NR4A2: variants seen among roughly 807,000 people sequenced by gnomAD.
The protein encoded by NR4A2 is NGFI-B/nur77 beta-type transcription factor homolog.
A neutral mutation model predicts 50.5 loss-of-function variants in NR4A2; 1 was observed. The ratio of observed to expected loss-of-function variants is 0.02; its 90% CI spans 0.01 to 0.09. NR4A2 has a LOEUF of 0.09. Among genes scored for constraint, NR4A2 ranks in the 10% least tolerant of loss-of-function variants. The pLI is 1.00. For missense variants in NR4A2, 613 were observed against 777.3 expected, an observed-to-expected ratio of 0.79 and a Z score of 2.51; for synonymous variants, 328 against 309.4, an observed-to-expected ratio of 1.06 and a Z score of -0.63.
Position 156,326,610 on chromosome 2 carries a change from T to C in NR4A2, c.1361+108A>G. 1.6e-6 allele frequency: 2 copies of C among 1,232,682 alleles called. No homozygotes were observed. The highest frequency in any genetic ancestry group is 2.4e-6 in the Non-Finnish European group (2 of 847,430). The allele number at this position is 1,232,682 out of a possible 1,614,324, so 76.4% of individuals were successfully genotyped here. A position where few individuals can be genotyped will look rare whatever the true frequency, so the allele number is the denominator to read the frequency against. Reference sequence around the variant, plus strand: ...TCCTTTCTCCGACTTCCATTTCCTATTCTGTCTTTTTCTCTACCCCACCCT... The same window carrying C: ...TCCTTTCTCCGACTTCCATTTCCTACTCTGTCTTTTTCTCTACCCCACCCT... On this transcript the variant is annotated intron_variant, in intron 6 of 7. Coordinates refer to ENST00000339562, the MANE Select transcript of NR4A2 (RefSeq NM_006186.4). This position sits in a 1 kb window ranked among gnomAD's most constrained non-coding sequence, Gnocchi z 4.2.
Position 156,326,744 on chromosome 2 carries a change from T to C in NR4A2, c.1335A>G (p.Glu445=). ...QDLLFESAFL[E]LFVLRLAYRS... is the part of the protein sequence containing the mutation. ...TGTATGCTAATCGAAGGACAAACAGTTCTAAGAAAGCTGATTCAAAAAGCA... is the reference window on the plus strand; with the variant it reads ...TGTATGCTAATCGAAGGACAAACAGCTCTAAGAAAGCTGATTCAAAAAGCA... Residue 445 remains glutamate (E), a synonymous_variant, in exon 6 of 8, where the codon GAA becomes GAG. Coordinates refer to ENST00000339562, the MANE Select transcript of NR4A2 (RefSeq NM_006186.4). This position sits in a 1 kb window ranked among gnomAD's most constrained non-coding sequence, Gnocchi z 4.2. 1 of 1,614,074 alleles carries C rather than the reference T, an allele frequency of 6.2e-7. No homozygotes were observed. Among genetic ancestry groups the C allele is most frequent in the Non-Finnish European group, 8.5e-7 (1 of 1,180,000 alleles).
Position 156,326,982 on chromosome 2 carries a change from G to T in NR4A2, c.1159-62C>A. On this transcript the variant is annotated intron_variant, in intron 5 of 7. Transcript: ENST00000339562. This position sits in a 1 kb window ranked among gnomAD's most constrained non-coding sequence, Gnocchi z 4.2. ...TCTAAAATATATAACCCGTGAAATT[G>T]CTAACCCCGTTTCTAATAGGGGAGC... The T allele has an allele frequency of 6.6e-7, 1 of 1,526,420 alleles. No individual in the cohort carries two copies. The highest frequency in any genetic ancestry group is 1.1e-5 in the South Asian group (1 of 88,740). The allele number at this position is 1,526,420 out of a possible 1,614,324, so 94.6% of individuals were successfully genotyped here.
At position 156,329,513 on chromosome 2, in the gene NR4A2, C is replaced by A. The variant is rs1031353518; in HGVS notation, c.674G>T (p.Arg225Leu). The change falls in exon 3 of 8, where the codon CGC becomes CTC. Residue 225 changes from arginine (R) to leucine (L), a missense_variant. Transcript: ENST00000339562. The surrounding 1 kb of genome is among the most constrained non-coding windows in gnomAD (Gnocchi z 7.5). The part of the protein sequence containing the change: ...GQTFAVPNPI[R>L]KPASMGFPGL... The stretch of plus-strand genomic sequence containing the variant: ...CGGGAAGCCCATGGACGCGGGCTTG[C>A]GAATGGGGTTGGGCACAGCGAAGGT... 1.2e-6 allele frequency: 2 copies of A among 1,604,900 alleles called. No homozygotes were observed. The highest frequency in any genetic ancestry group is 1.7e-6 in the Non-Finnish European group (2 of 1,176,030).
rs545695352 is a variant in NR4A2, at chr2:156,327,905, G to C, written c.1104C>G (p.Leu368=). The C allele has an allele frequency of 6.3e-7, 1 of 1,596,236 alleles. No individual in the cohort carries two copies. Among genetic ancestry groups the C allele is most frequent in the East Asian group, 2.3e-5 (1 of 44,388 alleles). The stretch of plus-strand genomic sequence containing the variant: ...GGTTGGAGTCGACATGGGCCCTGAC[G>C]AGGGCACTGATCAGACTCACCGGGG... The part of the protein sequence containing the change: ...PSPPVSLISA[L]VRAHVDSNPA... The change falls in exon 5 of 8, where the codon CTC becomes CTG. Residue 368 remains leucine (L), a synonymous_variant. Coordinates refer to ENST00000339562, the MANE Select transcript of NR4A2 (RefSeq NM_006186.4).
In NR4A2 at chr2:156,330,009, A is replaced by G. The variant is rs1686852887; in HGVS notation, c.178T>C (p.Phe60Leu). Residue 60 changes from phenylalanine to leucine, a missense_variant, in exon 3 of 8, where the codon TTC (phenylalanine) becomes CTC (leucine). Transcript: ENST00000339562. ...EITATTSLPS[F>L]STFMDNYSTG... is the part of the protein sequence containing the mutation. ...CTGTAGTTGTCCATAAAGGTACTGA[A>G]GCTGGGGAGAGAAGTGGTGGCAGTG... 1 of 1,614,092 alleles carries G rather than the reference A, an allele frequency of 6.2e-7. No individual in the cohort carries two copies. The highest frequency in any genetic ancestry group is 1.3e-5 in the African/African-American group (1 of 74,908).
At chr2:156,331,042 A>C (rs1686897834) in intron 1 of NR4A2, among the ~76,000 whole-genome samples, 1 of 152,258 alleles carries the variant, frequency 6.6e-6, no homozygotes, top group Admixed American at 6.5e-5. Context: ...AAGCTAGTCC[A>C]TGAACTCATT....
chr2:156,330,686 C>T lies in NR4A2; in HGVS notation c.-21G>A, dbSNP rs964583596. On this transcript the variant is annotated 5_prime_UTR_variant, in exon 2 of 8. Transcript: ENST00000339562. ...CACTAACCTTCAGCCGAGTTACAGG[C>T]GTTTTCGAGGAAATTAAAGGTGGAC... The T allele has an allele frequency of 3.9e-6, 5 of 1,266,574 alleles. No homozygotes were observed. The South Asian group carries it at 1.0e-4, about 25-fold the overall frequency. The allele number at this position is 1,266,574 out of a possible 1,614,324, so 78.5% of individuals were successfully genotyped here.
At position 156,329,545 on chromosome 2, in the gene NR4A2, G is replaced by A. The variant is rs117181849; in HGVS notation, c.642C>T (p.Asp214=). The change falls in exon 3 of 8, where the codon GAC becomes GAT. Residue 214 remains aspartate, a synonymous_variant. Transcript: ENST00000339562. The surrounding 1 kb of genome is among the most constrained non-coding windows in gnomAD (Gnocchi z 7.5). The part of the protein sequence containing the change: ...PEPAGSHHVV[D]GQTFAVPNPI... The stretch of plus-strand genomic sequence containing the variant: ...GGTTGGGCACAGCGAAGGTCTGCCC[G>A]TCCACCACGTGGTGGCTGCCGGCGG... 1.3e-5 allele frequency: 21 copies of A among 1,603,450 alleles called. No homozygotes were observed. In the East Asian group the frequency reaches 4.3e-4, roughly 32 times the overall value.
Position 156,327,707 on chromosome 2 carries a change from G to A in NR4A2, c.1158+144C>T, listed in dbSNP as rs1686714557. 1.2e-5 allele frequency: 12 copies of A among 966,216 alleles called. 1 individual carries two copies. Among genetic ancestry groups the A allele is most frequent in the South Asian group, 8.6e-5 (6 of 70,038 alleles). The allele number at this position is 966,216 out of a possible 1,614,324, so 59.9% of individuals were successfully genotyped here. A position where few individuals can be genotyped will look rare whatever the true frequency, so the allele number is the denominator to read the frequency against. On this transcript the variant is annotated intron_variant, in intron 5 of 7. Coordinates refer to ENST00000339562, the MANE Select transcript of NR4A2 (RefSeq NM_006186.4). ...GATTGTCTGAAGATCTGAATCTTGAGGCCCTGGCCAGAGCTGCGAGGCATA... is the reference window on the plus strand; with the variant it reads ...GATTGTCTGAAGATCTGAATCTTGAAGCCCTGGCCAGAGCTGCGAGGCATA...
chr2:156,328,152 C>A lies in NR4A2; in HGVS notation c.995-138G>T. 1 of 1,210,314 alleles carries A rather than the reference C, an allele frequency of 8.3e-7. No individual in the cohort carries two copies. The highest frequency in any genetic ancestry group is 1.3e-5 in the South Asian group (1 of 75,196). 75.0% of individuals were successfully genotyped at this position (1,210,314 alleles called of 1,614,324 possible). On this transcript the variant is annotated intron_variant, in intron 4 of 7. Coordinates refer to ENST00000339562, the MANE Select transcript of NR4A2 (RefSeq NM_006186.4). This position sits in a 1 kb window ranked among gnomAD's most constrained non-coding sequence, Gnocchi z 4.9. ...GGCCCCAGTGCTTGTAAAGCCTTCA[C>A]TGACTAGAAGCATTAAAAAATGCGG...
In NR4A2 at chr2:156,324,510, C is replaced by T. The variant is rs1686555567; in HGVS notation, c.*1234G>A. The T allele has an allele frequency of 6.6e-6, 1 of 152,436 alleles. No homozygotes were observed. The highest frequency in any genetic ancestry group is 2.1e-4 in the South Asian group (1 of 4,826). 9.4% of individuals were successfully genotyped at this position (152,436 alleles called of 1,614,324 possible). ...AGAAAGAATTTATCAGAAAAAAAATCAGCATCTCTAACTGTCATACACCAT... is the reference window on the plus strand; with the variant it reads ...AGAAAGAATTTATCAGAAAAAAAATTAGCATCTCTAACTGTCATACACCAT... On this transcript the variant is annotated 3_prime_UTR_variant, in exon 8 of 8. Transcript: ENST00000339562.
chr2:156,331,276 C>T (rs1453053175), intron 1 of NR4A2, among the ~76,000 whole-genome samples: 2 of 152,126 alleles, frequency 1.3e-5, no homozygotes, highest in South Asian at 2.1e-4. Flanking sequence ...CAATCTTCCC[C>T]CTTACAAAAT....
rs1361694821 is a variant in NR4A2, at chr2:156,328,158, A to G, written c.995-144T>C. The G allele has an allele frequency of 2.5e-6, 3 of 1,179,668 alleles. No homozygotes were observed. In the African/African-American group the frequency reaches 4.6e-5, roughly 18 times the overall value. The allele number at this position is 1,179,668 out of a possible 1,614,324, so 73.1% of individuals were successfully genotyped here. On this transcript the variant is annotated intron_variant, in intron 4 of 7. Coordinates refer to ENST00000339562, the MANE Select transcript of NR4A2 (RefSeq NM_006186.4). The surrounding 1 kb of genome is among the most constrained non-coding windows in gnomAD (Gnocchi z 4.9). The stretch of plus-strand genomic sequence containing the variant: ...AGTGCTTGTAAAGCCTTCACTGACT[A>G]GAAGCATTAAAAAATGCGGGGTTAT...
In NR4A2 at chr2:156,329,423, C is replaced by T; in HGVS notation, c.764G>A (p.Gly255Asp). The change falls in exon 3 of 8, where the codon GGC (glycine) becomes GAC (aspartate). Residue 255 changes from glycine (G) to aspartate (D), a missense_variant. Gly to Asp is a moderately conservative substitution (Grantham distance 94, BLOSUM62 -1). Around this residue, in one of 4 missense-constraint regions of NR4A2, gnomAD observed 275 missense variants for 248.9 expected, o/e 1.10. Coordinates refer to ENST00000339562, the MANE Select transcript of NR4A2 (RefSeq NM_006186.4). This position sits in a 1 kb window ranked among gnomAD's most constrained non-coding sequence, Gnocchi z 7.5. Reference sequence around the variant, plus strand: ...GCACAGCCCCTCGTTGGAGGGGGAGCCCCGCGACGGCGGTGAGGGCACCTG... The same window carrying T: ...GCACAGCCCCTCGTTGGAGGGGGAGTCCCGCGACGGCGGTGAGGGCACCTG... ...DTQVPSPPSR[G>D]SPSNEGLCAV... 1 of 1,609,440 alleles carries T rather than the reference C, an allele frequency of 6.2e-7. No homozygotes were observed. Among genetic ancestry groups the T allele is most frequent in the Non-Finnish European group, 8.5e-7 (1 of 1,179,082 alleles).
rs1352998697 is a variant in NR4A2, at chr2:156,328,668, TA to T, written c.865-136del. 7 of 1,101,758 alleles carry T rather than the reference TA, an allele frequency of 6.4e-6. No individual in the cohort carries two copies. The highest frequency in any genetic ancestry group is 9.3e-6 in the Non-Finnish European group (7 of 748,916). 68.2% of individuals were successfully genotyped at this position (1,101,758 alleles called of 1,614,324 possible). On this transcript the variant is annotated intron_variant, in intron 3 of 7. Transcript: ENST00000339562. The surrounding 1 kb of genome is among the most constrained non-coding windows in gnomAD (Gnocchi z 4.9). ...CAAACACATACACACAATTCCATTTTATTTTTTTCTCTTCCTTTTCTTTCTT... is the reference window on the plus strand; with the variant it reads ...CAAACACATACACACAATTCCATTTTTTTTTTTCTCTTCCTTTTCTTTCTT...
Position 156,326,162 on chromosome 2 carries a change from C to A in NR4A2, c.1528G>T (p.Ala510Ser), listed in dbSNP as rs1371554953. The A allele has an allele frequency of 6.2e-7, 1 of 1,614,216 alleles. No individual in the cohort carries two copies. Residue 510 changes from alanine (A) to serine (S), a missense_variant, in exon 7 of 8, where the codon GCT becomes TCT. Around this residue, in one of 4 missense-constraint regions of NR4A2, gnomAD observed 250 missense variants for 311.3 expected, o/e 0.80. Transcript: ENST00000339562. This position sits in a 1 kb window ranked among gnomAD's most constrained non-coding sequence, Gnocchi z 4.2. ...CTGCAGTACTGACCTGTGACCATAG[C>A]CAGGGCAGCAATGCAGGAGAAGGCA... Reference protein sequence around the residue: ...ISAFSCIAALAMVTERHGLKE... With the variant: ...ISAFSCIAALSMVTERHGLKE...
In NR4A2 at chr2:156,325,497, T is replaced by C; in HGVS notation, c.*247A>G. On this transcript the variant is annotated 3_prime_UTR_variant, in exon 8 of 8. Transcript: ENST00000339562. The stretch of plus-strand genomic sequence containing the variant: ...ATACCACTGTATTGTGTGTAGTCCA[T>C]GTTCTAAATCCAGGATGCCCCGGAG... The C allele has an allele frequency of 1.8e-6, 1 of 550,692 alleles. No homozygotes were observed. Among genetic ancestry groups the C allele is most frequent in the East Asian group, 3.3e-5 (1 of 30,718 alleles). 34.1% of individuals were successfully genotyped at this position (550,692 alleles called of 1,614,324 possible).
rs1202617675 is a variant in NR4A2, at chr2:156,325,572, T to TTTTG, written c.*168_*171dup. 4 of 881,176 alleles carry TTTTG rather than the reference T, an allele frequency of 4.5e-6. No individual in the cohort carries two copies. The highest frequency in any genetic ancestry group is 4.5e-5 in the Admixed American group (2 of 44,496). 54.6% of individuals were successfully genotyped at this position (881,176 alleles called of 1,614,324 possible). On this transcript the variant is annotated 3_prime_UTR_variant, in exon 8 of 8. Coordinates refer to ENST00000339562, the MANE Select transcript of NR4A2 (RefSeq NM_006186.4). Reference sequence around the variant, plus strand: ...CTGCAGGTTAGGAAATAGCAACAGTTTTTGTTTGTTTGTTTGTTTTCTTTA... The same window carrying TTTTG: ...CTGCAGGTTAGGAAATAGCAACAGTTTTTGTTTGTTTGTTTGTTTGTTTTCTTTA...
chr2:156,330,624 G>A, intron 2 of NR4A2, 44 bp downstream of exon 2: 1 of 1,356,974 alleles, frequency 7.4e-7, no homozygotes, highest in Non-Finnish European at 9.4e-7. Flanking sequence ...CTTGATGTTT[G>A]GGGAGCTCTG....
Sources: gnomAD v4.1 joint callset for allele counts (sites outside exome capture counted in the v4.1 genomes callset) on GRCh38, gnomAD v4.1.1 for gene constraint, gnomAD v4.1.1 regional missense constraint, Gnocchi (gnomAD v3.1) non-coding constraint, MANE v1.5 for transcripts, NCBI Gene and HGNC (gene_info 2026-07-23, HGNC 2026-07-21) for gene names.